Variants in SEC31A observed in about 807,000 individuals in gnomAD.
The protein encoded by SEC31A is protein transport protein Sec31A.
SEC31A carries 70 observed loss-of-function variants against 151.0 expected under a neutral mutation model. The ratio of observed to expected loss-of-function variants is 0.46; its 90% CI spans 0.38 to 0.57. The LOEUF is 0.57. Among genes scored for constraint, SEC31A ranks in the 20% least tolerant of loss-of-function variants. SEC31A has a pLI of 0.00. For synonymous variants in SEC31A, 475 were observed against 505.9 expected (o/e 0.94, Z 0.82); for missense variants, 1,330 against 1,471.2 (o/e 0.90, Z 1.57).
intron 1 of SEC31A, 74 bp downstream of exon 1, chr4:82,891,014 C>A: frequency 6.6e-7 from 1 of 1,525,276 alleles, no homozygotes; most frequent in Non-Finnish European, 8.8e-7. Context: ...AGGCTGCGGT[C>A]CCAGTTTTGG....
At chr4:82,871,467 GACTA>G (rs1736659676) in intron 7 of SEC31A, 5 of 1,270,410 alleles carry the variant, frequency 3.9e-6, no homozygotes, top group Middle Eastern at 2.5e-4. Context: ...TTTTACCATA[GACTA>G]ACTGATAACT....
upstream of SEC31A, chr4:82,893,067 G>T (rs1394147887): frequency 6.6e-6 from 1 of 152,168 alleles, no homozygotes; most frequent in Non-Finnish European, 1.5e-5. Context: ...ATAGCACAAA[G>T]ATATTCTAGG....
At position 82,845,293 on chromosome 4, in the gene SEC31A, C is replaced by T. The variant is rs761825008; in HGVS notation, c.2503-784G>A. On this transcript the variant is annotated intron_variant, in intron 20 of 26. Transcript: ENST00000395310. ...GTAGTGACAGTAGGGGCAATTCTAA[C>T]CTGAATTGAACAAAGAAATACCAAT... 4.7e-6 allele frequency: 7 copies of T among 1,483,746 alleles called. No homozygotes were observed. The South Asian group carries it at 7.6e-5, about 16-fold the overall frequency. The allele number at this position is 1,483,746 out of a possible 1,614,324, so 91.9% of individuals were successfully genotyped here.
exon 1 of SEC31A, chr4:82,900,467 G>A (rs1720270792): frequency 3.3e-6 from 1 of 304,400 alleles, no homozygotes. Flanking sequence ...AAGGACGATG[G>A]CGCCAGATTG....
chr4:82,846,087 T>A (rs1730073891), intron 20 of SEC31A, among the ~76,000 whole-genome samples: 1 of 152,006 alleles, frequency 6.6e-6, no homozygotes, highest in Non-Finnish European at 1.5e-5. Context: ...CACTGCAAAC[T>A]CCGCCTCCCA....
At position 82,824,999 on chromosome 4, in the gene SEC31A, A is replaced by G. The variant is rs1366160658; in HGVS notation, c.3292-325T>C. Among the ~76,000 whole-genome samples, 5 of 152,232 alleles carry G rather than the reference A, an allele frequency of 3.3e-5. No individual in the cohort carries two copies. The East Asian group carries it at 7.7e-4, about 23-fold the overall frequency. On this transcript the variant is annotated intron_variant, in intron 24 of 26. Transcript: ENST00000395310. ...GTATGTGCCAGCAGAGAATAAAAAC[A>G]AGGCACTGGAAAACACACTCGGCTG...
At chr4:82,896,488 G>C (rs1308280771) in intron 3 of SEC31A, among the ~76,000 whole-genome samples, 1 of 152,148 alleles carries the variant, frequency 6.6e-6, no homozygotes, top group Non-Finnish European at 1.5e-5. Context: ...AAAGTGCTGG[G>C]ATTACAGGTG....
rs904627052 is a variant in SEC31A at position 82,877,064 on chromosome 4, C to G, written c.403-1242G>C. Among the ~76,000 whole-genome samples the G allele has an allele frequency of 3.3e-5, 5 of 151,470 alleles. No homozygotes were observed. The South Asian group carries it at 1.0e-3, about 32-fold the overall frequency. ...ACCAGCTTGACCAACACGAAAAAAC[C>G]CTGTCTCTACAAAAATTAGCCAGGT... On this transcript the variant is annotated intron_variant, in intron 4 of 26. Transcript: ENST00000395310.
At chr4:82,891,204 G>C (rs903036521), upstream of SEC31A, 6 of 1,528,728 alleles carry the variant, frequency 3.9e-6, no homozygotes, top group East Asian at 4.9e-5. Context: ...CCGTTCCAAC[G>C]TGGCAGCCGC....
chr4:82,878,977 G>A (rs747619258), intron 3 of SEC31A, 49 bp from the exon 4 acceptor site: 6 of 1,434,106 alleles, frequency 4.2e-6, no homozygotes, highest in Admixed American at 1.9e-5. Context: ...TCAAATAAAT[G>A]TAGACAAAAA....
At chr4:82,842,617 C>T in intron 21 of SEC31A, 136 bp from the exon 22 acceptor site, 7 of 702,392 alleles carry the variant, frequency 1.0e-5, no homozygotes, top group South Asian at 6.4e-5. Context: ...TAAAAATTTA[C>T]ACCATTATAT....
At chr4:82,857,851 T>C in intron 14 of SEC31A, 87 bp from the exon 15 acceptor site, 2 of 803,890 alleles carry the variant, frequency 2.5e-6, no homozygotes. Flanking sequence ...TGATTCTTCA[T>C]CTACAGAGTA....
In SEC31A at chr4:82,848,900, A is replaced by T; in HGVS notation, c.2406T>A (p.Ile802=). 6.2e-7 allele frequency: 1 copy of T among 1,614,022 alleles called. No homozygotes were observed. Among genetic ancestry groups the T allele is most frequent in the Non-Finnish European group, 8.5e-7 (1 of 1,179,998 alleles). The change falls in exon 20 of 27, where the codon ATT becomes ATA. Residue 802 remains isoleucine, a synonymous_variant. Transcript: ENST00000395310. Reference sequence around the variant, plus strand: ...TGGGGAGCTGCTGTTTCTCGTACGGAATTTTAGGTGATTCATGTCCTGCTA... The same window carrying T: ...TGGGGAGCTGCTGTTTCTCGTACGGTATTTTAGGTGATTCATGTCCTGCTA... The part of the protein sequence containing the change: ...EPVAGHESPK[I]PYEKQQLPKG...
upstream of SEC31A, chr4:82,891,201 A>G: frequency 6.5e-7 from 1 of 1,530,994 alleles, no homozygotes; most frequent in Non-Finnish European, 8.7e-7. Flanking sequence ...GTTCCGTTCC[A>G]ACGTGGCAGC....
intron 22 of SEC31A, 99 bp downstream of exon 22, chr4:82,842,041 C>A: frequency 1.0e-6 from 1 of 990,354 alleles, no homozygotes; most frequent in Non-Finnish European, 1.5e-6. Context: ...CTCACATTAC[C>A]CAGTTTACAA....
chr4:82,833,274 A>G (rs555957674), intron 22 of SEC31A, among the ~76,000 whole-genome samples: 2 of 152,310 alleles, frequency 1.3e-5, no homozygotes, highest in East Asian at 3.9e-4. Context: ...ATGAAGCTGG[A>G]AACCGTCATT....
At chr4:82,882,179 G>A (rs191452514) in intron 1 of SEC31A, among the ~76,000 whole-genome samples, 10 of 152,182 alleles carry the variant, frequency 6.6e-5, no homozygotes, top group African/African-American at 1.4e-4. Flanking sequence ...CAAGGCGGGC[G>A]GATCACGAGG....
At chr4:82,874,538 A>G in intron 6 of SEC31A, 73 bp downstream of exon 6, 1 of 1,384,188 alleles carries the variant, frequency 7.2e-7, no homozygotes, top group Non-Finnish European at 9.7e-7. Context: ...TTTGTTGTCA[A>G]CTCTGACAAA....
At chr4:82,891,364 G>T, upstream of SEC31A, 1 of 621,212 alleles carries the variant, frequency 1.6e-6, no homozygotes, top group Non-Finnish European at 2.8e-6. Flanking sequence ...TGCGGTCATC[G>T]CGCCCCGGCG....
Sources: gnomAD v4.1 joint callset for allele counts (sites outside exome capture counted in the v4.1 genomes callset) on GRCh38, gnomAD v4.1.1 for gene constraint, MANE v1.5 for transcripts, NCBI Gene and HGNC (gene_info 2026-07-23, HGNC 2026-07-21) for gene names.